The following TAF3 variants were observed in gnomAD, a reference collection of about 807,000 sequenced individuals.
TAF3 encodes the protein TATA-box binding protein associated factor 3.
In TAF3, 7 loss-of-function variants were observed where a neutral mutation model predicts 80.6. The ratio of observed to expected loss-of-function variants is 0.09; its 90% CI spans 0.05 to 0.16. The LOEUF (loss-of-function observed/expected upper bound fraction) is 0.16. TAF3 is among the 10% of genes least tolerant of loss of function. The pLI, the probability that TAF3 is intolerant of heterozygous loss-of-function variation, is 1.00. For missense variants in TAF3, 921 were observed against 1,140.2 expected, an observed-to-expected ratio of 0.81 and a Z score of 2.77; for synonymous variants, 444 against 446.1, an observed-to-expected ratio of 1.00 and a Z score of 0.06.
intron 2 of TAF3, among the ~76,000 whole-genome samples, chr10:7,924,714 G>A (rs149558943): frequency 3.3e-5 from 5 of 151,152 alleles, no homozygotes; most frequent in Admixed American, 3.3e-4. Context: ...AAAGAAAAAC[G>A]CTCATAATCT....
intron 3 of TAF3, among the ~76,000 whole-genome samples, chr10:7,972,775 C>G (rs1246372248): frequency 4.6e-5 from 7 of 152,236 alleles, no homozygotes; most frequent in African/African-American, 1.7e-4. Flanking sequence ...TTTAAGACAG[C>G]GTTGAAAACC....
chr10:7,988,200 G>A (rs1831796529), intron 4 of TAF3, among the ~76,000 whole-genome samples: 1 of 152,156 alleles, frequency 6.6e-6, no homozygotes, highest in East Asian at 1.9e-4. Context: ...GGTAGCTCAT[G>A]CCTATAATCC....
chr10:7,987,018 AT>A (rs2131425626), intron 4 of TAF3, among the ~76,000 whole-genome samples: 1 of 152,166 alleles, frequency 6.6e-6, no homozygotes, highest in East Asian at 1.9e-4. Flanking sequence ...TATTTCAGCA[AT>A]TTTTATAAAA....
At chr10:7,872,233 T>TTTA (rs1554778958) in intron 2 of TAF3, among the ~76,000 whole-genome samples, 1 of 132,596 alleles carries the variant, frequency 7.5e-6, no homozygotes, top group Non-Finnish European at 1.6e-5. Context: ...TTTTTTTTTT[T>TTTA]CTTTCTTTCC....
At chr10:7,945,655 G>T (rs1270000139) in intron 2 of TAF3, among the ~76,000 whole-genome samples, 1 of 151,994 alleles carries the variant, frequency 6.6e-6, no homozygotes, top group African/African-American at 2.4e-5. Context: ...TGTCCCAGCA[G>T]CAAGGGTGTG....
At chr10:7,844,235 T>A (rs1836946834) in intron 2 of TAF3, among the ~76,000 whole-genome samples, 1 of 152,070 alleles carries the variant, frequency 6.6e-6, no homozygotes, top group Admixed American at 6.5e-5. Context: ...ATTCAGAAAT[T>A]TAAATTACTG....
rs1832094530 is a variant in TAF3 at position 8,015,394 on chromosome 10, A to C, written c.*643A>C. On this transcript the variant is annotated 3_prime_UTR_variant, in exon 7 of 7. Transcript: ENST00000344293. ...CTTTTGTGCAAATTATTTTTGTTTA[A>C]TGTATTTTATATCTTCGTTGCATTC... is the stretch of plus-strand genomic sequence containing the variant. 6.6e-6 allele frequency: 1 copy of C among 152,138 alleles called. No individual in the cohort carries two copies. Among genetic ancestry groups the C allele is most frequent in the African/African-American group, 2.4e-5 (1 of 41,420 alleles). 9.4% of individuals were successfully genotyped at this position (152,138 alleles called of 1,614,324 possible). A position where few individuals can be genotyped will look rare whatever the true frequency, so the allele number is the denominator to read the frequency against.
At chr10:7,967,191 G>A (rs1229339236) in intron 3 of TAF3, among the ~76,000 whole-genome samples, 1 of 152,096 alleles carries the variant, frequency 6.6e-6, no homozygotes, top group Non-Finnish European at 1.5e-5. Context: ...GTGGTGAGGG[G>A]TTTGTTGTTA....
rs145403361 is a variant in TAF3, at chr10:7,924,267, T to A, written c.410-39653T>A. On this transcript the variant is annotated intron_variant, in intron 2 of 6. Coordinates refer to ENST00000344293, the MANE Select transcript of TAF3 (RefSeq NM_031923.4). The stretch of plus-strand genomic sequence containing the variant: ...ACACCGAGTTTGTTTTATTTTGTGC[T>A]AACCCAATGAGAAAGCATATTGGTA... 2.0e-5 allele frequency among the ~76,000 whole-genome samples: 3 copies of A among 152,356 alleles called. No homozygotes were observed. The East Asian group carries it at 5.8e-4, about 29-fold the overall frequency.
chr10:7,884,654 C>T (rs899976767), intron 2 of TAF3, among the ~76,000 whole-genome samples: 1 of 152,194 alleles, frequency 6.6e-6, no homozygotes, highest in African/African-American at 2.4e-5. Flanking sequence ...TCCAAAAGTG[C>T]TGGGATTACA....
At chr10:7,860,677 T>A (rs1288728138) in intron 2 of TAF3, among the ~76,000 whole-genome samples, 1 of 152,262 alleles carries the variant, frequency 6.6e-6, no homozygotes, top group African/African-American at 2.4e-5. Context: ...AATTTTTATA[T>A]CATTCTGAAC....
Position 7,964,224 on chromosome 10 carries a change from C to A in TAF3, c.714C>A (p.Asp238Glu). ...CAGTCCATGTACAGGACAGTACAGA[C>A]TTGGCACCTCCCTCACCCGAGCCGC... ...LSPVHVQDSTDLAPPSPEPPM... is the reference protein window; with the variant it reads ...LSPVHVQDSTELAPPSPEPPM... Residue 238 changes from aspartate (D) to glutamate (E), a missense_variant, in exon 3 of 7, where the codon GAC becomes GAA. Physicochemically the swap from Asp to Glu is conservative, Grantham distance 45. This residue lies in a region of TAF3 where 743 missense variants were observed against 821.0 expected (regional missense o/e 0.90). Transcript: ENST00000344293. The surrounding 1 kb of genome is among the most constrained non-coding windows in gnomAD (Gnocchi z 4.1). 1 of 1,614,216 alleles carries A rather than the reference C, an allele frequency of 6.2e-7. No homozygotes were observed. The highest frequency in any genetic ancestry group is 8.5e-7 in the Non-Finnish European group (1 of 1,180,030).
At chr10:7,977,585 T>C (rs1831686521) in intron 4 of TAF3, among the ~76,000 whole-genome samples, 1 of 152,224 alleles carries the variant, frequency 6.6e-6, no homozygotes, top group African/African-American at 2.4e-5. Context: ...TATTTCTGCA[T>C]AGTCTTTAAG....
At chr10:7,946,108 A>G (rs780143610) in intron 2 of TAF3, among the ~76,000 whole-genome samples, 10 of 152,184 alleles carry the variant, frequency 6.6e-5, no homozygotes, top group Admixed American at 2.0e-4. Flanking sequence ...TGCATCCTCT[A>G]CACAGCTGCT....
At position 7,964,530 on chromosome 10, in the gene TAF3, C is replaced by G. The variant is rs1250452651; in HGVS notation, c.1020C>G (p.Pro340=). 8.7e-6 allele frequency: 14 copies of G among 1,613,422 alleles called. No homozygotes were observed. The highest frequency in any genetic ancestry group is 1.2e-5 in the Non-Finnish European group (14 of 1,179,768). Residue 340 remains proline (P), a synonymous_variant, in exon 3 of 7, where the codon CCC becomes CCG. Coordinates refer to ENST00000344293, the MANE Select transcript of TAF3 (RefSeq NM_031923.4). This position sits in a 1 kb window ranked among gnomAD's most constrained non-coding sequence, Gnocchi z 4.1. The stretch of plus-strand genomic sequence containing the variant: ...AAACACCTGTGAGACCTGAAACGCC[C>G]AACAGGACTCCTTCAGCTACACTCA... ...IPQTPVRPET[P]NRTPSATLSE... is the part of the protein sequence containing the mutation.
chr10:7,870,366 C>T (rs934059483), intron 2 of TAF3, among the ~76,000 whole-genome samples: 2 of 152,212 alleles, frequency 1.3e-5, no homozygotes, highest in African/African-American at 4.8e-5. Flanking sequence ...GATATGTTCT[C>T]TCCATTTTTA....
intron 4 of TAF3, among the ~76,000 whole-genome samples, chr10:8,000,273 C>A (rs952516340): frequency 2.0e-5 from 3 of 151,886 alleles, no homozygotes; most frequent in East Asian, 3.9e-4. Flanking sequence ...TGCACCACCA[C>A]GCCCAGCTAA....
In TAF3 at chr10:8,009,567, A is replaced by G. The variant is rs1832032961; in HGVS notation, c.2568+237A>G. On this transcript the variant is annotated intron_variant, in intron 5 of 6. Transcript: ENST00000344293. The surrounding 1 kb of genome is among the most constrained non-coding windows in gnomAD (Gnocchi z 4.1). ...GCGATCCTCCTGCATTAGCTTCTCA[A>G]AGTGGTGGGGTTACAGGCCTGAGCC... Among the ~76,000 whole-genome samples, 1 of 152,032 alleles carries G rather than the reference A, an allele frequency of 6.6e-6. No individual in the cohort carries two copies.
rs1177947802 is a variant in TAF3, at chr10:7,856,516, G to T, written c.409+31956G>T. On this transcript the variant is annotated intron_variant, in intron 2 of 6. Coordinates refer to ENST00000344293, the MANE Select transcript of TAF3 (RefSeq NM_031923.4). Reference sequence around the variant, plus strand: ...AAAAAATAGATTTTAAAAGAGAAAAGATTTTTTAAAAATTATAGAACCAGT... The same window carrying T: ...AAAAAATAGATTTTAAAAGAGAAAATATTTTTTAAAAATTATAGAACCAGT... Among the ~76,000 whole-genome samples, 6 of 152,174 alleles carry T rather than the reference G, an allele frequency of 3.9e-5. No individual in the cohort carries two copies. In the South Asian group the frequency reaches 6.2e-4, roughly 16 times the overall value.
Sources: allele counts gnomAD v4.1 joint callset (sites outside exome capture counted in the v4.1 genomes callset), GRCh38; gene constraint gnomAD v4.1.1; regional missense constraint gnomAD v4.1.1; non-coding constraint Gnocchi (gnomAD v3.1); transcripts MANE v1.5; gene names NCBI Gene and HGNC (gene_info 2026-07-23, HGNC 2026-07-21).